DCDC2: variants seen among roughly 807,000 people sequenced by gnomAD.
DCDC2 encodes doublecortin domain containing 2.
Under a neutral mutation model 50.2 loss-of-function variants are expected in DCDC2, and 40 were observed. The ratio of observed to expected loss-of-function variants is 0.80; its 90% CI spans 0.62 to 1.04. The LOEUF (loss-of-function observed/expected upper bound fraction) is 1.04. DCDC2 is among the 50% of genes least tolerant of loss of function. DCDC2 has a pLI of 0.00. For synonymous variants in DCDC2, 234 were observed against 210.6 expected, an observed-to-expected ratio of 1.11 and a Z score of -0.96; for missense variants, 570 against 581.9, an observed-to-expected ratio of 0.98 and a Z score of 0.21.
Position 24,338,886 on chromosome 6 carries a change from C to T in DCDC2, c.348+14683G>A, listed in dbSNP as rs149881679. Among the ~76,000 whole-genome samples, 312 of 152,214 alleles carry T rather than the reference C, an allele frequency of 2.0e-3. 1 individual carries two copies. Among genetic ancestry groups the T allele is most frequent in the Middle Eastern group, 0.01 (3 of 294 alleles). ...CTCAAACTCCTGACCTCAGGTGATC[C>T]GCCCACCTCAGCCTCCCAAAGTGCT... On this transcript the variant is annotated intron_variant, in intron 2 of 9. Transcript: ENST00000378454.
chr6:24,270,601 C>A (rs1763217366), intron 7 of DCDC2, among the ~76,000 whole-genome samples: 1 of 152,080 alleles, frequency 6.6e-6, no homozygotes, highest in African/African-American at 2.4e-5. Context: ...AAGGACCGGG[C>A]CCTTTCCAGG....
intron 2 of DCDC2, among the ~76,000 whole-genome samples, chr6:24,341,422 G>A (rs984240077): frequency 6.6e-6 from 1 of 151,976 alleles, no homozygotes; most frequent in Non-Finnish European, 1.5e-5. Context: ...ATGATACATG[G>A]GAATTTTCAT....
intron 7 of DCDC2, among the ~76,000 whole-genome samples, chr6:24,242,966 A>C (rs1198387176): frequency 2.0e-5 from 3 of 152,186 alleles, no homozygotes; most frequent in African/African-American, 4.8e-5. Flanking sequence ...CATCTCAAAA[A>C]AAAAAAGAAA....
intron 7 of DCDC2, among the ~76,000 whole-genome samples, chr6:24,234,486 A>G (rs1339001335): frequency 6.6e-6 from 1 of 152,218 alleles, no homozygotes; most frequent in Non-Finnish European, 1.5e-5. Flanking sequence ...AAAACTCAGA[A>G]GGCAAAGCCC....
intron 2 of DCDC2, among the ~76,000 whole-genome samples, chr6:24,351,026 C>T (rs954810615): frequency 6.6e-6 from 1 of 152,122 alleles, no homozygotes; most frequent in African/African-American, 2.4e-5. Flanking sequence ...AAAAATCACA[C>T]AGTATAATTA....
intron 7 of DCDC2, among the ~76,000 whole-genome samples, chr6:24,229,374 C>T (rs1351484062): frequency 6.6e-6 from 1 of 152,172 alleles, no homozygotes; most frequent in Admixed American, 6.5e-5. Flanking sequence ...CTTCTACCTC[C>T]CTGTCTCACA....
At chr6:24,359,547 A>T (rs1443262709), upstream of DCDC2, among the ~76,000 whole-genome samples, 2 of 107,472 alleles carry the variant, frequency 1.9e-5, no homozygotes, top group Admixed American at 1.4e-4. Flanking sequence ...TATATATTTT[A>T]TATATATTAT....
intron 4 of DCDC2, among the ~76,000 whole-genome samples, chr6:24,299,640 G>T (rs548482445): frequency 6.6e-6 from 1 of 152,268 alleles, no homozygotes; most frequent in South Asian, 2.1e-4. Flanking sequence ...TGGGCCAGTC[G>T]CAGTGGCTCA....
intron 7 of DCDC2, among the ~76,000 whole-genome samples, chr6:24,229,021 T>A (rs1291695320): frequency 6.6e-6 from 1 of 152,218 alleles, no homozygotes; most frequent in Non-Finnish European, 1.5e-5. Flanking sequence ...CACTGCTAAG[T>A]AGATGCGTTG....
At chr6:24,285,011 C>A (rs1763564124) in intron 6 of DCDC2, among the ~76,000 whole-genome samples, 1 of 152,202 alleles carries the variant, frequency 6.6e-6, no homozygotes, top group Non-Finnish European at 1.5e-5. Context: ...CTGTCTACTC[C>A]CATTCATCCC....
intron 6 of DCDC2, among the ~76,000 whole-genome samples, chr6:24,280,656 C>G (rs1763450868): frequency 6.6e-6 from 1 of 152,080 alleles, no homozygotes; most frequent in African/African-American, 2.4e-5. Flanking sequence ...CCTACCTCAG[C>G]CTCCCAAGTA....
At chr6:24,209,737 G>A (rs1761814333) in intron 7 of DCDC2, among the ~76,000 whole-genome samples, 3 of 152,130 alleles carry the variant, frequency 2.0e-5, no homozygotes, top group Non-Finnish European at 4.4e-5. Context: ...GAATGCCTGT[G>A]TATCATATAA....
intron 8 of DCDC2, among the ~76,000 whole-genome samples, chr6:24,190,080 A>G (rs1206978842): frequency 6.6e-6 from 1 of 151,762 alleles, no homozygotes; most frequent in African/African-American, 2.4e-5. Flanking sequence ...ACCGAAAAAA[A>G]AAAAAAAGGT....
intron 1 of DCDC2, 163 bp downstream of exon 1, chr6:24,357,295 C>T (rs1389057481): frequency 3.9e-6 from 3 of 773,216 alleles, no homozygotes; most frequent in Non-Finnish European, 5.9e-6. Context: ...GTGTCAACCT[C>T]TACCCCCCAA....
intron 8 of DCDC2, among the ~76,000 whole-genome samples, chr6:24,198,264 C>G (rs1245006656): frequency 6.6e-6 from 1 of 152,220 alleles, no homozygotes; most frequent in Admixed American, 6.5e-5. Context: ...GAGATCAACA[C>G]AGAAGGCCAG....
At chr6:24,295,858 T>C (rs777429143) in intron 4 of DCDC2, among the ~76,000 whole-genome samples, 3 of 152,194 alleles carry the variant, frequency 2.0e-5, no homozygotes, top group Non-Finnish European at 2.9e-5. Flanking sequence ...CCCATGGTCA[T>C]GGATAGGAAG....
At chr6:24,259,839 C>T (rs1762972800) in intron 7 of DCDC2, among the ~76,000 whole-genome samples, 1 of 152,136 alleles carries the variant, frequency 6.6e-6, no homozygotes, top group Non-Finnish European at 1.5e-5. Context: ...CCTACCTTGA[C>T]TTAGAAACAC....
At chr6:24,200,832 GA>G (rs1008060262) in intron 8 of DCDC2, among the ~76,000 whole-genome samples, 97 of 133,686 alleles carry the variant, frequency 7.3e-4, no homozygotes, top group African/African-American at 1.8e-3. Flanking sequence ...AAGAAAAAAA[GA>G]AAAAAAAAAA....
intron 8 of DCDC2, among the ~76,000 whole-genome samples, chr6:24,185,688 T>TACACACACACACACACACAC (rs35379687): frequency 6.9e-6 from 1 of 144,392 alleles, no homozygotes; most frequent in Non-Finnish European, 1.5e-5. Flanking sequence ...TCCATACACA[T>TACACACACACACACACACAC]ACACACACAC....
Sources: allele counts gnomAD v4.1 joint callset (sites outside exome capture counted in the v4.1 genomes callset), GRCh38; gene constraint gnomAD v4.1.1; transcripts MANE v1.5; gene names NCBI Gene and HGNC (gene_info 2026-07-23, HGNC 2026-07-21).